The following PECR variants were observed in gnomAD, a reference collection of about 807,000 sequenced individuals.
PECR encodes the protein 2,4-dienoyl-CoA reductase-related protein.
Under a neutral mutation model 35.3 loss-of-function variants are expected in PECR, and 30 were observed. The observed-to-expected ratio is 0.85, with a 90% CI of 0.64 to 1.15. The LOEUF is 1.15. Among genes scored for constraint, PECR ranks in the 50% most tolerant of loss-of-function variants. The pLI is 0.00. For synonymous variants in PECR, 148 were observed against 138.9 expected (o/e 1.07, Z -0.46); for missense variants, 392 against 370.8 (o/e 1.06, Z -0.47).
rs543571689 is a variant in PECR, at chr2:216,038,928, A to G, written c.*347T>C. On this transcript the variant is annotated 3_prime_UTR_variant, in exon 8 of 8. Coordinates refer to ENST00000265322, the MANE Select transcript of PECR (RefSeq NM_018441.6). ...GCGTGAGCCACTGCGTCTGGCCTCT[A>G]CCTTTACAATTAAATAATAAAATCT... 13 of 275,200 alleles carry G rather than the reference A, an allele frequency of 4.7e-5. No homozygotes were observed. The highest frequency in any genetic ancestry group is 4.4e-4 in the South Asian group (12 of 27,228). 17.0% of individuals were successfully genotyped at this position (275,200 alleles called of 1,614,324 possible).
chr2:216,057,136 C>G (rs1695243998), intron 4 of PECR, among the ~76,000 whole-genome samples: 1 of 152,164 alleles, frequency 6.6e-6, no homozygotes, highest in Admixed American at 6.5e-5. Context: ...TTGGCAATAT[C>G]TCTTAAAATT....
chr2:216,043,019 A>G lies in PECR; in HGVS notation c.826+885T>C, dbSNP rs145716778. Among the ~76,000 whole-genome samples the G allele has an allele frequency of 3.6e-3, 523 of 146,372 alleles. 16 individuals carry two copies. Among genetic ancestry groups the G allele is most frequent in the East Asian group, 0.013 (64 of 5,104 alleles). On this transcript the variant is annotated intron_variant, in intron 7 of 7. Transcript: ENST00000265322. ...TACGTATATGTGTATATATATATAC[A>G]CATACGTATATATGTATGTGTATAT...
In PECR at chr2:216,068,899, C is replaced by G. The variant is rs529458345; in HGVS notation, c.125-2381G>C. Among the ~76,000 whole-genome samples, 3 of 132,252 alleles carry G rather than the reference C, an allele frequency of 2.3e-5. No individual in the cohort carries two copies. The South Asian group carries it at 7.3e-4, about 32-fold the overall frequency. The allele number at this position is 132,252 out of a possible 152,430, so 86.8% of individuals were successfully genotyped here. ...GTAAATATAAAGACTTTTCTTGTTT[C>G]TATTCAGATCTCTTTAAAGGTATAG... On this transcript the variant is annotated intron_variant, in intron 1 of 7. Coordinates refer to ENST00000265322, the MANE Select transcript of PECR (RefSeq NM_018441.6).
At position 216,048,343 on chromosome 2, in the gene PECR, G is replaced by A. The variant is rs1015552943; in HGVS notation, c.714+920C>T. On this transcript the variant is annotated intron_variant, in intron 6 of 7. Coordinates refer to ENST00000265322, the MANE Select transcript of PECR (RefSeq NM_018441.6). ...GCCTGCCTCGGCCTCCCAAAGTGCTGGGATTACAGGCATGAGCCACTGCGC... is the reference window on the plus strand; with the variant it reads ...GCCTGCCTCGGCCTCCCAAAGTGCTAGGATTACAGGCATGAGCCACTGCGC... 2.3e-4 allele frequency among the ~76,000 whole-genome samples: 34 copies of A among 149,124 alleles called. 1 individual carries two copies. Among genetic ancestry groups the A allele is most frequent in the Admixed American group, 2.2e-3 (32 of 14,860 alleles).
At chr2:216,051,957 C>T (rs1477625678) in intron 4 of PECR, among the ~76,000 whole-genome samples, 3 of 152,280 alleles carry the variant, frequency 2.0e-5, no homozygotes, top group Admixed American at 6.5e-5. Flanking sequence ...GAGGCCAAGG[C>T]GGGCGGATCA....
At chr2:216,047,845 G>A (rs958770565) in intron 6 of PECR, among the ~76,000 whole-genome samples, 2 of 151,938 alleles carry the variant, frequency 1.3e-5, no homozygotes, top group Admixed American at 6.6e-5. Flanking sequence ...AATAAAATTG[G>A]TTCTCCCCAT....
At chr2:216,060,038 A>G (rs573673389) in intron 3 of PECR, among the ~76,000 whole-genome samples, 11 of 152,194 alleles carry the variant, frequency 7.2e-5, no homozygotes, top group Non-Finnish European at 1.3e-4. Context: ...ATATTTTTAC[A>G]TTATTTAAAT....
At position 216,043,907 on chromosome 2, in the gene PECR, G is replaced by A. The variant is rs150385654; in HGVS notation, c.823C>T (p.Pro275Ser). ...RSLYTHSYEVPDHDNWPKGAG... is the reference protein window; with the variant it reads ...RSLYTHSYEVSDHDNWPKGAG... The stretch of plus-strand genomic sequence containing the variant: ...TGCTCATTCCTCAGCTGCTCACCTG[G>A]TACCTCATACGAGTGAGTATAGAGA... The change falls in exon 7 of 8, where the codon CCA becomes TCA. Residue 275 changes from proline (P) to serine (S), a missense_variant. Coordinates refer to ENST00000265322, the MANE Select transcript of PECR (RefSeq NM_018441.6). 24 of 1,533,740 alleles carry A rather than the reference G, an allele frequency of 1.6e-5. No homozygotes were observed. The East Asian group carries it at 4.5e-4, about 29-fold the overall frequency.
chr2:216,076,805 A>G (rs1230529522), intron 1 of PECR, among the ~76,000 whole-genome samples: 1 of 152,146 alleles, frequency 6.6e-6, no homozygotes, highest in Non-Finnish European at 1.5e-5. Flanking sequence ...ATCTCAATAA[A>G]TAAATAAATA....
intron 4 of PECR, among the ~76,000 whole-genome samples, 200 bp from the exon 5 acceptor site, chr2:216,051,745 T>A (rs1353817303): frequency 2.0e-5 from 3 of 152,174 alleles, no homozygotes; most frequent in Non-Finnish European, 4.4e-5. Flanking sequence ...CAGCTGATGA[T>A]CAAGCAAATC....
At chr2:216,062,052 ATTTT>A (rs774207430) in intron 3 of PECR, among the ~76,000 whole-genome samples, 1 of 137,196 alleles carries the variant, frequency 7.3e-6, no homozygotes. Flanking sequence ...TGCGTGGTGA[ATTTT>A]TTTTTTTTTT....
At chr2:216,065,833 T>A (rs1239107092) in intron 2 of PECR, among the ~76,000 whole-genome samples, 1 of 152,110 alleles carries the variant, frequency 6.6e-6, no homozygotes, top group Non-Finnish European at 1.5e-5. Context: ...CATTAAAAAA[T>A]GACTTAAAGG....
rs376603255 is a variant in PECR, at chr2:216,081,792, G to C, written c.-51C>G. On this transcript the variant is annotated 5_prime_UTR_variant, in exon 1 of 8. Transcript: ENST00000265322. ...TGAGCGCAGGCCCTTCTGGGTCTCAGGGACATTCGAGGCGGGCGGGCGGAC... is the reference window on the plus strand; with the variant it reads ...TGAGCGCAGGCCCTTCTGGGTCTCACGGACATTCGAGGCGGGCGGGCGGAC... 11 of 1,601,434 alleles carry C rather than the reference G, an allele frequency of 6.9e-6. 1 individual carries two copies. Among genetic ancestry groups the C allele is most frequent in the African/African-American group, 1.3e-5 (1 of 74,836 alleles).
At chr2:216,045,206 A>G (rs1370302579) in intron 6 of PECR, among the ~76,000 whole-genome samples, 1 of 151,914 alleles carries the variant, frequency 6.6e-6, no homozygotes, top group African/African-American at 2.4e-5. Flanking sequence ...CCTCCTTGAG[A>G]CTCTAAGAGC....
chr2:216,041,450 G>A (rs1446907416), intron 7 of PECR, among the ~76,000 whole-genome samples: 1 of 152,136 alleles, frequency 6.6e-6, no homozygotes, highest in African/African-American at 2.4e-5. Flanking sequence ...TCACCACATT[G>A]ATGTTATTAG....
downstream of PECR, among the ~76,000 whole-genome samples, chr2:216,034,987 G>A (rs1694770157): frequency 1.3e-5 from 2 of 152,170 alleles, no homozygotes. Flanking sequence ...CACTGCCCCT[G>A]CATGTCCAAC....
At chr2:216,062,724 C>T (rs10168653) in intron 3 of PECR, among the ~76,000 whole-genome samples, 17,690 of 152,148 alleles carry the variant, frequency 0.12, 1,493 homozygotes, top group African/African-American at 0.22. Flanking sequence ...GGAGGTGATA[C>T]ATGTCAATAC....
intron 1 of PECR, among the ~76,000 whole-genome samples, chr2:216,078,163 G>A (rs1355605696): frequency 6.6e-6 from 1 of 152,070 alleles, no homozygotes; most frequent in East Asian, 1.9e-4. Flanking sequence ...TGGAGGCTAG[G>A]CGCGGGGCCT....
intron 1 of PECR, among the ~76,000 whole-genome samples, chr2:216,071,910 A>C (rs755060164): frequency 6.6e-6 from 1 of 152,210 alleles, no homozygotes; most frequent in African/African-American, 2.4e-5. Context: ...AGGTCATGAA[A>C]TAATTGTACT....
Sources: gnomAD v4.1 joint callset for allele counts (sites outside exome capture counted in the v4.1 genomes callset) on GRCh38, gnomAD v4.1.1 for gene constraint, MANE v1.5 for transcripts, NCBI Gene and HGNC (gene_info 2026-07-23, HGNC 2026-07-21) for gene names.